Variants in UBE2L6 observed in about 807,000 individuals in gnomAD.
UBE2L6 encodes ubiquitin/ISG15-conjugating enzyme E2 L6.
In UBE2L6, 11 loss-of-function variants were observed where a neutral mutation model predicts 13.6. The observed-to-expected ratio is 0.81, with a 90% CI of 0.51 to 1.34. The LOEUF (loss-of-function observed/expected upper bound fraction) is 1.34, where lower values mean the gene tolerates loss of function less well. UBE2L6 is among the 40% of genes most tolerant of loss of function. UBE2L6 has a pLI of 0.00. For missense variants in UBE2L6, 197 were observed against 199.5 expected, an observed-to-expected ratio of 0.99 and a Z score of 0.07; for synonymous variants, 74 against 83.2, an observed-to-expected ratio of 0.89 and a Z score of 0.60.
intron 3 of UBE2L6, among the ~76,000 whole-genome samples, chr11:57,554,227 C>A (rs1944980219): frequency 6.6e-6 from 1 of 152,196 alleles, no homozygotes; most frequent in South Asian, 2.1e-4. Flanking sequence ...CAACGTTCCT[C>A]TGTCACAACT....
Position 57,556,343 on chromosome 11 carries a change from G to C in UBE2L6, c.124-1720C>G, listed in dbSNP as rs1490670539. Among the ~76,000 whole-genome samples the C allele has an allele frequency of 2.6e-5, 4 of 152,130 alleles. No homozygotes were observed. The East Asian group carries it at 7.7e-4, about 29-fold the overall frequency. ...CTCACGTTTGTAATCCCAGCACTTT[G>C]GGAGTCCAAAGTGGGCAGATCCCCT... On this transcript the variant is annotated intron_variant, in intron 2 of 3. Transcript: ENST00000287156.
intron 1 of UBE2L6, among the ~76,000 whole-genome samples, chr11:57,561,094 C>G (rs1473073218): frequency 6.6e-6 from 1 of 152,160 alleles, no homozygotes; most frequent in Non-Finnish European, 1.5e-5. Flanking sequence ...GCTCTCTAGC[C>G]TTCTTCCTAG....
Position 57,560,352 on chromosome 11 carries a change from G to A in UBE2L6, c.108C>T (p.His36=), listed in dbSNP as rs1802110. 386 of 1,613,934 alleles carry A rather than the reference G, an allele frequency of 2.4e-4. 1 individual carries two copies. Among genetic ancestry groups the A allele is most frequent in the South Asian group, 6.0e-4 (55 of 91,086 alleles). The stretch of plus-strand genomic sequence containing the variant: ...GGATACTCACGGGTAGGAGGAGAGC[G>A]TGCCACACCAGGACATTGGCATCAT... ...SSDDANVLVW[H]ALLLPDQPPY... Residue 36 remains histidine, a synonymous_variant, in exon 2 of 4, where the codon CAC becomes CAT. Transcript: ENST00000287156.
At chr11:57,553,929 T>G (rs1052355524) in intron 3 of UBE2L6, among the ~76,000 whole-genome samples, 6 of 152,232 alleles carry the variant, frequency 3.9e-5, no homozygotes, top group African/African-American at 1.4e-4. Flanking sequence ...GGCAACCACT[T>G]CACCTCTCAC....
At chr11:57,563,931 T>A (rs561712888) in intron 1 of UBE2L6, among the ~76,000 whole-genome samples, 152 of 151,990 alleles carry the variant, frequency 1.0e-3, no homozygotes, top group African/African-American at 3.4e-3. Flanking sequence ...AAACAAAGAA[T>A]GAAGTATGCC....
intron 1 of UBE2L6, among the ~76,000 whole-genome samples, chr11:57,566,764 A>T (rs994222414): frequency 3.3e-5 from 5 of 152,026 alleles, no homozygotes; most frequent in Non-Finnish European, 7.4e-5. Context: ...CTTCTGAAAG[A>T]CTTGGGGTGC....
intron 1 of UBE2L6, among the ~76,000 whole-genome samples, chr11:57,566,057 A>G (rs1945088932): frequency 6.6e-6 from 1 of 151,590 alleles, no homozygotes; most frequent in Non-Finnish European, 1.5e-5. Flanking sequence ...ATTTATCTTT[A>G]CCCCAAACTA....
Position 57,552,250 on chromosome 11 carries a change from A to C in UBE2L6, c.*108T>G. 2.0e-6 allele frequency: 3 copies of C among 1,466,586 alleles called. No individual in the cohort carries two copies. The South Asian group carries it at 3.8e-5, about 19-fold the overall frequency. 90.8% of individuals were successfully genotyped at this position (1,466,586 alleles called of 1,614,324 possible). ...ACAAACTAATGACTAACAACCTAAG[A>C]AGGGAAAAATGAATGGGGAATGGGC... On this transcript the variant is annotated 3_prime_UTR_variant, in exon 4 of 4. Transcript: ENST00000287156.
intron 2 of UBE2L6, among the ~76,000 whole-genome samples, chr11:57,555,203 A>C (rs1354405611): frequency 6.6e-6 from 1 of 152,248 alleles, no homozygotes; most frequent in Non-Finnish European, 1.5e-5. Context: ...TTTGTATACC[A>C]ATGTTTCTAG....
intron 2 of UBE2L6, among the ~76,000 whole-genome samples, chr11:57,559,582 C>G (rs1276636078): frequency 6.6e-6 from 1 of 151,968 alleles, no homozygotes; most frequent in African/African-American, 2.4e-5. Flanking sequence ...TGCACTCCAG[C>G]CTGGGTGACA....
In UBE2L6 at chr11:57,552,001, C is replaced by T. The variant is rs73478654; in HGVS notation, c.*357G>A. ...TCAGTGCCTGAGCCCTAGGGGGATT[C>T]GAGTTGGCTGCTGGATTCATTTCCT... On this transcript the variant is annotated 3_prime_UTR_variant, in exon 4 of 4. Coordinates refer to ENST00000287156, the MANE Select transcript of UBE2L6 (RefSeq NM_004223.5). The T allele has an allele frequency of 4.6e-3, 1,126 of 244,654 alleles. 13 individuals are homozygous for T. Among genetic ancestry groups the T allele is most frequent in the African/African-American group, 0.024 (1,058 of 44,516 alleles). The allele number at this position is 244,654 out of a possible 1,614,324, so 15.2% of individuals were successfully genotyped here.
chr11:57,552,622 G>T (rs1028348479), intron 3 of UBE2L6, 113 bp from the exon 4 acceptor site: 2 of 1,357,808 alleles, frequency 1.5e-6, no homozygotes, highest in East Asian at 4.6e-5. Flanking sequence ...AGGTTACATC[G>T]CTTAGGATTA....
At chr11:57,560,282 T>A in intron 2 of UBE2L6, 55 bp downstream of exon 2, 2 of 1,450,572 alleles carry the variant, frequency 1.4e-6, no homozygotes, top group Non-Finnish European at 1.9e-6. Flanking sequence ...TCCCTGCCCA[T>A]GTCCCTGGCC....
Position 57,554,613 on chromosome 11 carries a change from GGA to G in UBE2L6, c.132_133del (p.Pro45LeufsTer48). 2 of 1,614,162 alleles carry G rather than the reference GGA, an allele frequency of 1.2e-6. No homozygotes were observed. The highest frequency in any genetic ancestry group is 1.7e-6 in the Non-Finnish European group (2 of 1,180,040). ...CAGGTTGAAGGCTTTCAGGTGGTAG[GGA>G]GGTTGGTCCTGTGCAGAGAGAAAAG... On this transcript the variant is annotated frameshift_variant, in exon 3 of 4. Transcript: ENST00000287156. LOFTEE classifies it high-confidence loss of function.
At chr11:57,563,759 G>A (rs1183079671) in intron 1 of UBE2L6, among the ~76,000 whole-genome samples, 17 of 151,658 alleles carry the variant, frequency 1.1e-4, no homozygotes, top group East Asian at 9.7e-4. Flanking sequence ...AAAATTAGCC[G>A]GGCGTGGTGG....
chr11:57,557,283 CTCTT>C (rs1945005422), intron 2 of UBE2L6, among the ~76,000 whole-genome samples: 1 of 151,986 alleles, frequency 6.6e-6, no homozygotes, highest in African/African-American at 2.4e-5. Context: ...CGCTCTCTCT[CTCTT>C]TCACTTCTTC....
At chr11:57,567,556 G>A in intron 1 of UBE2L6, 29 bp downstream of exon 1, 8 of 1,604,842 alleles carry the variant, frequency 5.0e-6, no homozygotes, top group Non-Finnish European at 6.8e-6. Flanking sequence ...GGGGAGCCAA[G>A]AGAAAGGGGT....
chr11:57,566,369 G>A (rs1001131451), intron 1 of UBE2L6, among the ~76,000 whole-genome samples: 2 of 152,146 alleles, frequency 1.3e-5, no homozygotes, highest in Non-Finnish European at 2.9e-5. Flanking sequence ...GAGGCCTGTG[G>A]ACCTGGTTTC....
intron 2 of UBE2L6, among the ~76,000 whole-genome samples, chr11:57,558,030 TC>T (rs1945010947): frequency 6.6e-6 from 1 of 152,172 alleles, no homozygotes; most frequent in African/African-American, 2.4e-5. Flanking sequence ...GTTGAGAAAG[TC>T]CCACTACCTT....
Sources: gnomAD v4.1 joint callset for allele counts (sites outside exome capture counted in the v4.1 genomes callset) on GRCh38, gnomAD v4.1.1 for gene constraint, MANE v1.5 for transcripts, NCBI Gene and HGNC (gene_info 2026-07-23, HGNC 2026-07-21) for gene names.